Variants in NF1 observed in about 807,000 individuals in gnomAD.
NF1 encodes neurofibromin 1, also known as neurofibromin.
NF1 carries 122 observed loss-of-function variants against 325.7 expected under a neutral mutation model. That is an observed-to-expected ratio of 0.37 (90% CI 0.32 to 0.44). The LOEUF is 0.44. Ranked by LOEUF, NF1 falls within the 20% of genes least tolerant of loss-of-function variation. NF1 has a pLI of 1.00. For synonymous variants in NF1, 1,091 were observed against 1,186.0 expected, an observed-to-expected ratio of 0.92 and a Z score of 1.65; for missense variants, 2,140 against 3,415.4, an observed-to-expected ratio of 0.63 and a Z score of 9.31.
intron 1 of NF1, among the ~76,000 whole-genome samples, chr17:31,155,506 G>A (rs1396002107): frequency 6.6e-6 from 1 of 152,170 alleles, no homozygotes. Flanking sequence ...TTGACAAGAA[G>A]TCTAGGGCAT....
intron 5 of NF1, among the ~76,000 whole-genome samples, chr17:31,173,624 C>G (rs1457412599): frequency 6.7e-6 from 1 of 150,164 alleles, no homozygotes; most frequent in Non-Finnish European, 1.5e-5. Flanking sequence ...AAATGGAATA[C>G]ATAGCATTTG....
intron 47 of NF1, among the ~76,000 whole-genome samples, chr17:31,340,850 A>C (rs1484316033): frequency 6.6e-6 from 1 of 151,300 alleles, no homozygotes; most frequent in African/African-American, 2.4e-5. Flanking sequence ...AAAATAGCAA[A>C]AAAAAAAAAA....
intron 17 of NF1, 126 bp from the exon 18 acceptor site, chr17:31,226,309 G>A (rs1252781091): frequency 3.2e-6 from 3 of 939,896 alleles, no homozygotes; most frequent in Non-Finnish European, 4.2e-6. Flanking sequence ...GTGAGTTATT[G>A]TATGCGGAGA....
intron 1 of NF1, among the ~76,000 whole-genome samples, chr17:31,128,286 C>T (rs886097138): frequency 3.3e-5 from 5 of 151,980 alleles, no homozygotes; most frequent in African/African-American, 1.2e-4. Flanking sequence ...GCTTGTCACT[C>T]AGTGCCTTTT....
intron 11 of NF1, among the ~76,000 whole-genome samples, chr17:31,205,809 C>T (rs2066609059): frequency 6.6e-6 from 1 of 151,778 alleles, no homozygotes; most frequent in Admixed American, 6.6e-5. Context: ...TGTTGAACCA[C>T]TAATCACTTT....
At chr17:31,126,850 G>A (rs566790027) in intron 1 of NF1, among the ~76,000 whole-genome samples, 39 of 152,146 alleles carry the variant, frequency 2.6e-4, no homozygotes, top group Middle Eastern at 6.8e-3. Context: ...GAATTTATCA[G>A]TCTTCTATGA....
chr17:31,299,837 C>A (rs2068538688), intron 36 of NF1, among the ~76,000 whole-genome samples: 2 of 151,618 alleles, frequency 1.3e-5, no homozygotes, highest in South Asian at 4.2e-4. Context: ...TGCCAAAACT[C>A]AGTCAATTAT....
chr17:31,293,932 A>T (rs2068405647), intron 36 of NF1, among the ~76,000 whole-genome samples: 1 of 152,184 alleles, frequency 6.6e-6, no homozygotes, highest in Non-Finnish European at 1.5e-5. Context: ...TTGGAGTTCC[A>T]GTGTGGTTTG....
intron 1 of NF1, chr17:31,128,426 T>C (rs924602039): frequency 1.3e-5 from 2 of 152,210 alleles, no homozygotes; most frequent in African/African-American, 4.8e-5. Context: ...TCACTGGTTA[T>C]GTACTTAAGT....
intron 29 of NF1, among the ~76,000 whole-genome samples, chr17:31,242,346 A>G (rs1381705579): frequency 1.0e-5 from 1 of 95,410 alleles, no homozygotes; most frequent in Admixed American, 1.7e-4. Context: ...ATGGAGGTTC[A>G]CTCTTGTCGC....
At chr17:31,179,658 C>T (rs1295854751) in intron 5 of NF1, among the ~76,000 whole-genome samples, 2 of 152,084 alleles carry the variant, frequency 1.3e-5, no homozygotes, top group Non-Finnish European at 2.9e-5. Context: ...TGGCAGGCAC[C>T]TGTAGTCCCA....
intron 17 of NF1, among the ~76,000 whole-genome samples, chr17:31,225,761 A>G (rs568655200): frequency 6.6e-6 from 1 of 152,316 alleles, no homozygotes; most frequent in South Asian, 2.1e-4. Context: ...AGAAGAGTTT[A>G]TTTTCCAAAC....
intron 8 of NF1, among the ~76,000 whole-genome samples, chr17:31,191,151 C>T (rs2066335305): frequency 6.6e-6 from 1 of 152,040 alleles, no homozygotes; most frequent in Non-Finnish European, 1.5e-5. Context: ...AGAATGATAA[C>T]ATAAGGTTAG....
chr17:31,298,912 T>A (rs2068519712), intron 36 of NF1, among the ~76,000 whole-genome samples: 1 of 152,066 alleles, frequency 6.6e-6, no homozygotes, highest in Admixed American at 6.6e-5. Flanking sequence ...AGTGTAGAAG[T>A]AGAGTTATGC....
rs538708444 is a variant in NF1 at position 31,201,023 on chromosome 17, T to C, written c.1063-14T>C. ...GTATTTAAAGGCTTTTGTTTTCTGT[T>C]GGGGTTTTTATAGAACCTGCTTTTT... On this transcript the variant is annotated splice_polypyrimidine_tract_variant and intron_variant, in intron 9 of 57. Transcript: ENST00000358273. The C allele has an allele frequency of 8.7e-6, 14 of 1,612,804 alleles. No homozygotes were observed. The highest frequency in any genetic ancestry group is 1.2e-5 in the Non-Finnish European group (14 of 1,179,880).
At chr17:31,263,773 T>A (rs7502029) in intron 35 of NF1, among the ~76,000 whole-genome samples, 84,442 of 150,686 alleles carry the variant, frequency 0.56, 26,102 homozygotes, top group Middle Eastern at 0.77. Context: ...TTCTTTTTTT[T>A]AAAAAAAATG....
At position 31,259,061 on chromosome 17, in the gene NF1, C is replaced by T. The variant is rs864622298; in HGVS notation, c.4362C>T (p.Leu1454=). The T allele has an allele frequency of 7.5e-6, 12 of 1,603,156 alleles. No individual in the cohort carries two copies. The highest frequency in any genetic ancestry group is 1.3e-5 in the African/African-American group (1 of 74,766). ...KILQSIANHV[L]FTKEEHMRPF... ...TTCAGAGTATTGCCAATCATGTTCT[C>T]TTCACAAAAGAAGAACATATGCGGC... is the stretch of plus-strand genomic sequence containing the variant. Residue 1454 remains leucine (L), a synonymous_variant, in exon 33 of 58, where the codon CTC becomes CTT. Coordinates refer to ENST00000358273, the MANE Select transcript of NF1 (RefSeq NM_001042492.3).
At chr17:31,321,961 G>C (rs1396479782) in intron 36 of NF1, 1 of 152,196 alleles carries the variant, frequency 6.6e-6, no homozygotes, top group Non-Finnish European at 1.5e-5. Context: ...ATTTGAAAAT[G>C]TGAGTTTGGA....
chr17:31,154,053 A>ATTTTTTTTTTT (rs67332557), intron 1 of NF1, among the ~76,000 whole-genome samples: 1 of 52,724 alleles, frequency 1.9e-5, no homozygotes, highest in Non-Finnish European at 3.4e-5. Flanking sequence ...AGTTTCTTTG[A>ATTTTTTTTTTT]TTTTTTTTTT....
Sources: allele counts gnomAD v4.1 joint callset (sites outside exome capture counted in the v4.1 genomes callset), GRCh38; gene constraint gnomAD v4.1.1; transcripts MANE v1.5; gene names NCBI Gene and HGNC (gene_info 2026-07-23, HGNC 2026-07-21).